Variants in KNDC1 observed in about 807,000 individuals in gnomAD.
KNDC1 encodes kinase non-catalytic C-lobe domain containing 1.
Under a neutral mutation model 172.8 loss-of-function variants are expected in KNDC1, and 106 were observed. The observed-to-expected ratio is 0.61, with a 90% CI of 0.52 to 0.72. The LOEUF (loss-of-function observed/expected upper bound fraction) is 0.72, where lower values mean the gene tolerates loss of function less well. Ranked by LOEUF, KNDC1 falls within the 30% of genes least tolerant of loss-of-function variation. The pLI is 0.00. For synonymous variants in KNDC1, 1,083 were observed against 1,062.2 expected, an observed-to-expected ratio of 1.02 and a Z score of -0.38; for missense variants, 2,325 against 2,394.5, an observed-to-expected ratio of 0.97 and a Z score of 0.61.
intron 26 of KNDC1, among the ~76,000 whole-genome samples, chr10:133,217,841 C>T (rs1195039070): frequency 6.6e-6 from 1 of 151,996 alleles, no homozygotes; most frequent in Non-Finnish European, 1.5e-5. Flanking sequence ...CTTTGGGAGT[C>T]CAAGGCGGGC....
intron 16 of KNDC1, 84 bp downstream of exon 16, chr10:133,200,544 C>T: frequency 9.2e-7 from 1 of 1,091,318 alleles, no homozygotes; most frequent in Non-Finnish European, 1.2e-6. Flanking sequence ...GCCCCAGGGT[C>T]CCAGCAGCCT....
intron 3 of KNDC1, among the ~76,000 whole-genome samples, chr10:133,170,196 C>G (rs116831530): frequency 0.014 from 2,155 of 152,344 alleles, 46 homozygotes; most frequent in African/African-American, 0.046. Context: ...ACCAAGAACA[C>G]ATCTTGGCGA....
chr10:133,195,177 C>T (rs922393906), intron 9 of KNDC1, among the ~76,000 whole-genome samples: 2 of 152,236 alleles, frequency 1.3e-5, no homozygotes, highest in African/African-American at 4.8e-5. Context: ...GCATCCCTTA[C>T]ATCAGCAACG....
intron 26 of KNDC1, among the ~76,000 whole-genome samples, chr10:133,218,417 G>A (rs1006737189): frequency 1.3e-5 from 2 of 152,178 alleles, no homozygotes; most frequent in Admixed American, 6.5e-5. Flanking sequence ...CGGGCTTGGC[G>A]CAGCGGGTTG....
At position 133,218,922 on chromosome 10, in the gene KNDC1, G is replaced by A. The variant is rs1397373720; in HGVS notation, c.4769G>A (p.Gly1590Glu). Residue 1590 changes from glycine (G) to glutamate (E), a missense_variant, in exon 27 of 30, where the codon GGG (glycine) becomes GAG (glutamate). By Grantham distance (98) the Gly-to-Glu change is moderately conservative (BLOSUM62 -2). Transcript: ENST00000304613. ...GCGACAGCCATGCAGATCCTGAGCG[G>A]GCTGGAGCACCTGGCCGTGAGGCAG... ...NFATAMQILS[G>E]LEHLAVRQSP... The A allele has an allele frequency of 6.2e-7, 1 of 1,613,730 alleles. No individual in the cohort carries two copies. Among genetic ancestry groups the A allele is most frequent in the Non-Finnish European group, 8.5e-7 (1 of 1,179,932 alleles).
At position 133,195,644 on chromosome 10, in the gene KNDC1, T is replaced by A. The variant is rs1589757183; in HGVS notation, c.1576-19T>A. ...CCCACAGCCCTGCGGTAGACACTAT[T>A]CTCTCCCCACCCGCCCAGGCCTCTG... On this transcript the variant is annotated intron_variant, in intron 9 of 29. Transcript: ENST00000304613. 14 of 1,540,872 alleles carry A rather than the reference T, an allele frequency of 9.1e-6. No homozygotes were observed. The East Asian group carries it at 3.4e-4, about 37-fold the overall frequency.
rs199502477 is a variant in KNDC1 at position 133,210,714 on chromosome 10, A to G, written c.3898A>G (p.Thr1300Ala). The change falls in exon 21 of 30, where the codon ACG becomes GCG. Residue 1300 changes from threonine to alanine, a missense_variant. Physicochemically the swap from Thr to Ala is moderately conservative, Grantham distance 58. Coordinates refer to ENST00000304613, the MANE Select transcript of KNDC1 (RefSeq NM_152643.8). ...CTTCCTCCTCGACCGCATCAACAGC[A>G]CGCTGACCAGGTACCAAGCTCCACA... ...LHFLLDRINS[T>A]LTRAHQDPTS... The G allele has an allele frequency of 6.2e-7, 1 of 1,612,818 alleles. No individual in the cohort carries two copies. The highest frequency in any genetic ancestry group is 2.2e-5 in the East Asian group (1 of 44,866).
intron 3 of KNDC1, 149 bp from the exon 4 acceptor site, chr10:133,183,195 G>GC: frequency 1.0e-6 from 1 of 980,822 alleles, no homozygotes; most frequent in East Asian, 2.8e-5. Flanking sequence ...GGCGGCAAGG[G>GC]TGTGGGCAGC....
At chr10:133,212,685 TA>T (rs1474423755) in intron 23 of KNDC1, 30 bp from the exon 24 acceptor site, 1 of 1,595,716 alleles carries the variant, frequency 6.3e-7, no homozygotes. Flanking sequence ...ACACGGAGCT[TA>T]GGCCCCTCAG....
chr10:133,204,834 C>T (rs1488108642), intron 17 of KNDC1, among the ~76,000 whole-genome samples: 2 of 152,122 alleles, frequency 1.3e-5, no homozygotes, highest in Admixed American at 6.5e-5. Flanking sequence ...GCTTCGGGCC[C>T]TGGGCACGTG....
At chr10:133,166,216 G>A (rs1853146225) in intron 1 of KNDC1, among the ~76,000 whole-genome samples, 1 of 152,132 alleles carries the variant, frequency 6.6e-6, no homozygotes, top group Non-Finnish European at 1.5e-5. Context: ...TGGGGGAGGG[G>A]GGGCCAGCGA....
At position 133,160,487 on chromosome 10, in the gene KNDC1, C is replaced by A; in HGVS notation, c.20C>A (p.Ala7Asp). 6.3e-7 allele frequency: 1 copy of A among 1,584,650 alleles called. No individual in the cohort carries two copies. Among genetic ancestry groups the A allele is most frequent in the Non-Finnish European group, 8.6e-7 (1 of 1,167,446 alleles). MQAMDPAAADLYEEDGK... is the reference protein window; with the variant it reads MQAMDPDAADLYEEDGK... ...CGCAGGATGCAGGCCATGGACCCGGCCGCGGCGGATCTTTACGAGGAGGAC... is the reference window on the plus strand; with the variant it reads ...CGCAGGATGCAGGCCATGGACCCGGACGCGGCGGATCTTTACGAGGAGGAC... Residue 7 changes from alanine to aspartate, a missense_variant, in exon 1 of 30, where the codon GCC becomes GAC. Physicochemically the swap from Ala to Asp is moderately radical, Grantham distance 126. Coordinates refer to ENST00000304613, the MANE Select transcript of KNDC1 (RefSeq NM_152643.8).
Position 133,186,074 on chromosome 10 carries a change from C to A in KNDC1, c.726C>A (p.Thr242=), listed in dbSNP as rs777438943. Residue 242 remains threonine, a synonymous_variant, in exon 6 of 30, where the codon ACC becomes ACA. Transcript: ENST00000304613. ...GCACTGACCCGGAGGTTCTGCCGAC[C>A]CCCGAAGGCCCGGAGTCTGAGACGA... ...DPSTDPEVLP[T]PEGPESETSR... 3 of 1,598,504 alleles carry A rather than the reference C, an allele frequency of 1.9e-6. No individual in the cohort carries two copies. Among genetic ancestry groups the A allele is most frequent in the Middle Eastern group, 1.7e-4 (1 of 5,912 alleles).
In KNDC1 at chr10:133,198,888, G is replaced by A. The variant is rs754706994; in HGVS notation, c.2380G>A (p.Val794Ile). The change falls in exon 14 of 30, where the codon GTA becomes ATA. Residue 794 changes from valine (V) to isoleucine (I), a missense_variant. Val to Ile is a conservative substitution (Grantham distance 29). Coordinates refer to ENST00000304613, the MANE Select transcript of KNDC1 (RefSeq NM_152643.8). ...GCCCACGAAGGCATCTGCGCTGCCC[G>A]TAGAGCAAGGGCCGGCTGAGCCGAT... ...APPTKASALPVEQGPAEPIPP... is the reference protein window; with the variant it reads ...APPTKASALPIEQGPAEPIPP... 2.1e-5 allele frequency: 34 copies of A among 1,592,518 alleles called. No homozygotes were observed. Among genetic ancestry groups the A allele is most frequent in the Middle Eastern group, 3.3e-4 (2 of 5,972 alleles).
At chr10:133,179,958 CT>C (rs1853667629) in intron 3 of KNDC1, among the ~76,000 whole-genome samples, 2 of 152,266 alleles carry the variant, frequency 1.3e-5, no homozygotes, top group Non-Finnish European at 1.5e-5. Context: ...GGCCCACAGG[CT>C]TGGAGAGTGG....
chr10:133,185,422 G>A (rs376152517), intron 5 of KNDC1, among the ~76,000 whole-genome samples: 122 of 95,794 alleles, frequency 1.3e-3, no homozygotes, highest in South Asian at 1.8e-3. Flanking sequence ...GCAGTGTGGA[G>A]TAGGCAGTGT....
chr10:133,181,182 T>C (rs1056199718), intron 3 of KNDC1, among the ~76,000 whole-genome samples: 3 of 151,836 alleles, frequency 2.0e-5, no homozygotes, highest in South Asian at 2.1e-4. Flanking sequence ...CACCCACAGA[T>C]GCCACATGGG....
chr10:133,179,619 G>A (rs1485369687), intron 3 of KNDC1, among the ~76,000 whole-genome samples: 3 of 152,148 alleles, frequency 2.0e-5, no homozygotes, highest in Non-Finnish European at 2.9e-5. Flanking sequence ...TGGCTTGACC[G>A]CGTTTGCTCA....
At chr10:133,165,502 C>T (rs559810299) in intron 1 of KNDC1, among the ~76,000 whole-genome samples, 22 of 152,294 alleles carry the variant, frequency 1.4e-4, no homozygotes, top group East Asian at 7.7e-4. Context: ...CCGGCTGAGA[C>T]GCGCCTCATG....
Sources: allele counts gnomAD v4.1 joint callset (sites outside exome capture counted in the v4.1 genomes callset), GRCh38; gene constraint gnomAD v4.1.1; transcripts MANE v1.5; gene names NCBI Gene and HGNC (gene_info 2026-07-23, HGNC 2026-07-21).